The following TMX4 variants were observed in gnomAD, a reference collection of about 807,000 sequenced individuals.
The protein encoded by TMX4 is thioredoxin-related transmembrane protein 4.
Under a neutral mutation model 33.3 loss-of-function variants are expected in TMX4, and 23 were observed. The observed-to-expected ratio is 0.69, with a 90% CI of 0.50 to 0.98. TMX4 has a LOEUF of 0.98. Ranked by LOEUF, TMX4 falls within the 50% of genes least tolerant of loss-of-function variation. The pLI is 0.00. For missense variants in TMX4, 399 were observed against 448.9 expected (o/e 0.89, Z 1.01); for synonymous variants, 164 against 161.5 (o/e 1.02, Z -0.12).
At chr20:7,989,714 C>A (rs2050646059) in intron 5 of TMX4, among the ~76,000 whole-genome samples, 1 of 151,954 alleles carries the variant, frequency 6.6e-6, no homozygotes, top group Admixed American at 6.6e-5. Flanking sequence ...CTTTAAAGCC[C>A]CTTATGAGTG....
chr20:7,983,738 AG>A lies in TMX4; in HGVS notation c.679+55del, dbSNP rs2122850943. 2.1e-6 allele frequency: 3 copies of A among 1,462,218 alleles called. No individual in the cohort carries two copies. In the South Asian group the frequency reaches 3.5e-5, roughly 17 times the overall value. 90.6% of individuals were successfully genotyped at this position (1,462,218 alleles called of 1,614,324 possible). A position where few individuals can be genotyped will look rare whatever the true frequency, so the allele number is the denominator to read the frequency against. On this transcript the variant is annotated intron_variant, in intron 7 of 7. Transcript: ENST00000246024. ...ACCCACTATCTATATGAGCACAAAA[AG>A]GCACATCACAGAATTCCAAAAACAC...
intron 4 of TMX4, among the ~76,000 whole-genome samples, chr20:7,996,478 C>T (rs1393602962): frequency 2.0e-5 from 3 of 152,298 alleles, no homozygotes; most frequent in South Asian, 4.1e-4. Context: ...AAAACGTACA[C>T]ATCTTCCCAT....
At chr20:7,993,986 A>T (rs1239790895) in intron 5 of TMX4, among the ~76,000 whole-genome samples, 1 of 152,156 alleles carries the variant, frequency 6.6e-6, no homozygotes, top group Non-Finnish European at 1.5e-5. Context: ...TATTTAAAAC[A>T]TAATCAAAAG....
intron 6 of TMX4, among the ~76,000 whole-genome samples, chr20:7,985,697 TTAA>T (rs200833246): frequency 4.7e-4 from 71 of 152,324 alleles, no homozygotes; most frequent in African/African-American, 1.5e-3. Flanking sequence ...GTTAATAAAG[TTAA>T]TAATATTTTG....
At chr20:8,011,321 C>A (rs990489032) in intron 1 of TMX4, among the ~76,000 whole-genome samples, 1 of 151,832 alleles carries the variant, frequency 6.6e-6, no homozygotes, top group Admixed American at 6.6e-5. Flanking sequence ...CTCACACACA[C>A]AAAATGCCTT....
chr20:7,995,901 A>G (rs1283699654), intron 5 of TMX4, 125 bp downstream of exon 5: 14 of 804,820 alleles, frequency 1.7e-5, no homozygotes, highest in African/African-American at 3.5e-5. Flanking sequence ...GAGTAGTTGC[A>G]TGGCTTAAGA....
At chr20:7,989,815 A>T (rs1162212977) in intron 5 of TMX4, among the ~76,000 whole-genome samples, 1 of 152,158 alleles carries the variant, frequency 6.6e-6, no homozygotes, top group East Asian at 1.9e-4. Context: ...TCAGTTTTAG[A>T]TCATTGTGTT....
chr20:7,998,735 A>G (rs962786586), intron 4 of TMX4, among the ~76,000 whole-genome samples: 1 of 152,164 alleles, frequency 6.6e-6, no homozygotes, highest in Non-Finnish European at 1.5e-5. Flanking sequence ...CCTGGGAATA[A>G]TCTTCCCTCT....
At chr20:7,999,908 T>A (rs1326997182) in intron 3 of TMX4, 48 bp from the exon 4 acceptor site, 1 of 1,569,006 alleles carries the variant, frequency 6.4e-7, no homozygotes, top group Non-Finnish European at 8.6e-7. Context: ...AAAATAACGA[T>A]GTTACAGATA....
rs754820487 is a variant in TMX4 at position 7,982,411 on chromosome 20, T to C, written c.890A>G (p.Asn297Ser). Residue 297 changes from asparagine (N) to serine (S), a missense_variant, in exon 8 of 8, where the codon AAT becomes AGT. Coordinates refer to ENST00000246024, the MANE Select transcript of TMX4 (RefSeq NM_021156.4). ...AGVDEERSEA[N>S]DQGPPGEDGV... ...GTCCTCTCCTGGGGGCCCCTGATCA[T>C]TGGCCTCACTTCTCTCCTCATCCAC... 27 of 1,613,970 alleles carry C rather than the reference T, an allele frequency of 1.7e-5. No homozygotes were observed. The highest frequency in any genetic ancestry group is 1.5e-4 in the Admixed American group (9 of 60,002).
chr20:8,005,133 A>G (rs2050723342), intron 2 of TMX4, among the ~76,000 whole-genome samples: 1 of 152,238 alleles, frequency 6.6e-6, no homozygotes, highest in Admixed American at 6.5e-5. Context: ...GTAGTTTTAA[A>G]GACAATGCTT....
intron 1 of TMX4, 77 bp downstream of exon 1, chr20:8,019,361 G>A (rs2050800611): frequency 6.9e-7 from 1 of 1,441,714 alleles, no homozygotes; most frequent in South Asian, 1.4e-5. Context: ...ATGCGGGATC[G>A]CCACCGGGCC....
intron 2 of TMX4, among the ~76,000 whole-genome samples, chr20:8,002,445 A>G (rs1291737167): frequency 6.6e-6 from 1 of 152,246 alleles, no homozygotes. Flanking sequence ...GAATGAGACT[A>G]GGAGTAAAGA....
At chr20:7,987,128 A>T (rs16994299) in intron 6 of TMX4, among the ~76,000 whole-genome samples, 160 bp downstream of exon 6, 2,076 of 151,980 alleles carry the variant, frequency 0.014, 55 homozygotes, top group East Asian at 0.065. Context: ...TATATCTCAC[A>T]TTACCATTGA....
chr20:7,985,315 C>A (rs1283890863), intron 6 of TMX4, among the ~76,000 whole-genome samples: 43 of 148,794 alleles, frequency 2.9e-4, no homozygotes, highest in Non-Finnish European at 8.9e-5. Flanking sequence ...GCTCTGTCAC[C>A]CAGGCTGGAG....
At chr20:8,014,425 T>C (rs1391851569) in intron 1 of TMX4, among the ~76,000 whole-genome samples, 1 of 152,262 alleles carries the variant, frequency 6.6e-6, no homozygotes, top group African/African-American at 2.4e-5. Context: ...GAGCAATTAA[T>C]CTATTATTCA....
chr20:8,010,984 G>A (rs2050750626), intron 1 of TMX4, among the ~76,000 whole-genome samples: 1 of 152,124 alleles, frequency 6.6e-6, no homozygotes, highest in African/African-American at 2.4e-5. Context: ...TTGTGAAGGA[G>A]ATTTGGTGCC....
Position 7,982,573 on chromosome 20 carries a change from T to C in TMX4, c.728A>G (p.Asp243Gly), listed in dbSNP as rs755084130. 1.2e-5 allele frequency: 20 copies of C among 1,613,678 alleles called. 1 individual carries two copies. In the Admixed American group the frequency reaches 3.0e-4, roughly 24 times the overall value. The change falls in exon 8 of 8, where the codon GAT (aspartate) becomes GGT (glycine). Residue 243 changes from aspartate (D) to glycine (G), a missense_variant. By Grantham distance (94) the Asp-to-Gly change is moderately conservative. Coordinates refer to ENST00000246024, the MANE Select transcript of TMX4 (RefSeq NM_021156.4). ...EEAHRAEQLQDAEEEKDDSNE... is the reference protein window; with the variant it reads ...EEAHRAEQLQGAEEEKDDSNE... Reference sequence around the variant, plus strand: ...TGAATCATCTTTTTCCTCCTCCGCATCCTGCAACTGTTCAGCTCTATGAGC... The same window carrying C: ...TGAATCATCTTTTTCCTCCTCCGCACCCTGCAACTGTTCAGCTCTATGAGC...
At chr20:7,996,149 GTCTATTTCCCTCCACT>G in intron 4 of TMX4, 78 bp from the exon 5 acceptor site, 1 of 1,169,664 alleles carries the variant, frequency 8.5e-7, no homozygotes, top group Non-Finnish European at 1.2e-6. Flanking sequence ...AGGAGGACTG[GTCTATTTCCCTCCACT>G]TCTTGCTAAA....
Sources: gnomAD v4.1 joint callset for allele counts (sites outside exome capture counted in the v4.1 genomes callset) on GRCh38, gnomAD v4.1.1 for gene constraint, MANE v1.5 for transcripts, NCBI Gene and HGNC (gene_info 2026-07-23, HGNC 2026-07-21) for gene names.